Variants in RARB observed in about 807,000 individuals in gnomAD.
RARB encodes retinoic acid receptor beta.
Under a neutral mutation model 51.9 loss-of-function variants are expected in RARB, and 17 were observed. The observed-to-expected ratio is 0.33, with a 90% CI of 0.22 to 0.49. RARB has a LOEUF of 0.49. Ranked by LOEUF, RARB falls within the 20% of genes least tolerant of loss-of-function variation. The pLI, the probability that RARB is intolerant of heterozygous loss-of-function variation, is 0.99. For missense variants in RARB, 369 were observed against 550.8 expected (o/e 0.67, Z 3.30); for synonymous variants, 215 against 195.4 (o/e 1.10, Z -0.84).
chr3:25,405,222 A>G lies in RARB; in HGVS notation c.179-55971A>G, dbSNP rs147854820. ...TTCTTTTGAGCCACAAGATTGACAA[A>G]TAATCTACTATATTGGCTGGGCACA... On this transcript the variant is annotated intron_variant, in intron 5 of 11. Coordinates refer to the RARB transcript ENST00000383772. Among the ~76,000 whole-genome samples, 30 of 152,304 alleles carry G rather than the reference A, an allele frequency of 2.0e-4. No homozygotes were observed. The East Asian group carries it at 5.2e-3, about 26-fold the overall frequency.
chr3:25,285,069 TGTTAG>T (rs1419408976), intron 5 of RARB, among the ~76,000 whole-genome samples: 3 of 152,150 alleles, frequency 2.0e-5, no homozygotes, highest in African/African-American at 7.2e-5. Context: ...CCAGGTACTG[TGTTAG>T]ATAGAGGGAG....
At chr3:25,228,727 T>G (rs947214686) in intron 5 of RARB, among the ~76,000 whole-genome samples, 1 of 152,124 alleles carries the variant, frequency 6.6e-6, no homozygotes, top group African/African-American at 2.4e-5. Context: ...GTGTGACTTT[T>G]TGTGTGCTAA....
intron 2 of RARB, among the ~76,000 whole-genome samples, chr3:25,026,233 A>G (rs891528587): frequency 6.6e-6 from 1 of 152,238 alleles, no homozygotes; most frequent in Non-Finnish European, 1.5e-5. Flanking sequence ...AAGGAGATCC[A>G]ATTACAGCAG....
At chr3:25,486,896 C>T (rs1384916397) in intron 2 of RARB, among the ~76,000 whole-genome samples, 3 of 152,116 alleles carry the variant, frequency 2.0e-5, no homozygotes, top group Non-Finnish European at 4.4e-5. Context: ...ATTTTATTAT[C>T]TAAGTATATT....
intron 2 of RARB, among the ~76,000 whole-genome samples, chr3:24,886,728 G>A (rs983280908): frequency 5.9e-5 from 9 of 152,004 alleles, no homozygotes; most frequent in Non-Finnish European, 1.0e-4. Flanking sequence ...GACCCACCGC[G>A]CCTAACCTGT....
At chr3:25,510,998 T>C (rs2125620226) in intron 3 of RARB, among the ~76,000 whole-genome samples, 1 of 152,356 alleles carries the variant, frequency 6.6e-6, no homozygotes, top group East Asian at 1.9e-4. Context: ...TGCAGTCCAT[T>C]TGGTGTTTTT....
intron 5 of RARB, among the ~76,000 whole-genome samples, chr3:25,229,431 G>T (rs980937861): frequency 2.6e-5 from 4 of 152,046 alleles, no homozygotes; most frequent in African/African-American, 9.7e-5. Flanking sequence ...ATTGACGGTA[G>T]GCAGTACAGC....
chr3:25,434,080 A>G (rs961729978), intron 1 of RARB, among the ~76,000 whole-genome samples: 2 of 152,214 alleles, frequency 1.3e-5, no homozygotes, highest in African/African-American at 4.8e-5. Context: ...GGCGAGGATA[A>G]CAGGAACTGA....
chr3:25,024,356 G>A (rs531600008), intron 2 of RARB, among the ~76,000 whole-genome samples: 1 of 152,282 alleles, frequency 6.6e-6, no homozygotes, highest in African/African-American at 2.4e-5. Flanking sequence ...CTATTTCTGA[G>A]TGTGAATTGC....
intron 2 of RARB, among the ~76,000 whole-genome samples, chr3:24,995,634 C>T (rs1054974636): frequency 6.6e-6 from 1 of 151,858 alleles, no homozygotes; most frequent in Admixed American, 6.6e-5. Flanking sequence ...CATATTCAAG[C>T]GCTTTCTTTC....
intron 2 of RARB, among the ~76,000 whole-genome samples, chr3:24,968,609 C>T (rs528904683): frequency 2.0e-5 from 3 of 152,182 alleles, no homozygotes; most frequent in South Asian, 2.1e-4. Context: ...ACTCACATAT[C>T]TGGTGGGTGG....
chr3:24,958,064 A>C (rs899972250), intron 2 of RARB, among the ~76,000 whole-genome samples: 6 of 152,136 alleles, frequency 3.9e-5, no homozygotes, highest in Non-Finnish European at 7.4e-5. Context: ...TAAAAATTTA[A>C]CATCTGGCTC....
chr3:25,281,512 T>C (rs763292934), intron 5 of RARB, among the ~76,000 whole-genome samples: 1 of 152,146 alleles, frequency 6.6e-6, no homozygotes, highest in African/African-American at 2.4e-5. Context: ...CTGTGCTTAA[T>C]TGAAAGAGAT....
chr3:24,857,931 C>T (rs114836372), intron 1 of RARB, among the ~76,000 whole-genome samples: 255 of 152,196 alleles, frequency 1.7e-3, no homozygotes, highest in African/African-American at 5.7e-3. Flanking sequence ...CCTGTCTCCC[C>T]GCCCCTCAAC....
intron 5 of RARB, among the ~76,000 whole-genome samples, chr3:25,243,770 T>A (rs1702488355): frequency 6.6e-6 from 1 of 152,218 alleles, no homozygotes. Context: ...CCTGAAATTT[T>A]GTTTTTCTGT....
intron 1 of RARB, among the ~76,000 whole-genome samples, chr3:24,834,199 G>A (rs1702314367): frequency 6.6e-6 from 1 of 152,166 alleles, no homozygotes. Context: ...ACGCTAAAGC[G>A]ACAGATTATG....
At chr3:25,083,841 C>A (rs530596843) in intron 3 of RARB, among the ~76,000 whole-genome samples, 7 of 152,220 alleles carry the variant, frequency 4.6e-5, no homozygotes, top group Admixed American at 2.6e-4. Flanking sequence ...TGGGACAAAT[C>A]TAAAGTAGCT....
chr3:25,217,712 C>T (rs1015434609), intron 5 of RARB, among the ~76,000 whole-genome samples: 4 of 152,172 alleles, frequency 2.6e-5, no homozygotes, highest in African/African-American at 4.8e-5. Context: ...TTTTGTTCTT[C>T]GCTCAGTGTA....
intron 2 of RARB, among the ~76,000 whole-genome samples, chr3:24,867,396 TTAA>T (rs1702870564): frequency 6.6e-6 from 1 of 152,172 alleles, no homozygotes; most frequent in Non-Finnish European, 1.5e-5. Flanking sequence ...TTTCTCACTA[TTAA>T]TAATTTTTGC....
Sources: allele counts gnomAD v4.1 joint callset (sites outside exome capture counted in the v4.1 genomes callset), GRCh38; gene constraint gnomAD v4.1.1; transcripts MANE v1.5; gene names NCBI Gene and HGNC (gene_info 2026-07-23, HGNC 2026-07-21).